Variants in SRRM4 observed in about 807,000 individuals in gnomAD.
SRRM4 encodes serine/arginine repetitive matrix 4.
In SRRM4, 33 loss-of-function variants were observed where a neutral mutation model predicts 68.9. That is an observed-to-expected ratio of 0.48 (90% CI 0.36 to 0.64). The LOEUF is 0.64. SRRM4 is among the 30% of genes least tolerant of loss of function. The pLI is 0.00. For synonymous variants in SRRM4, 318 were observed against 318.8 expected, an observed-to-expected ratio of 1.00 and a Z score of 0.03; for missense variants, 817 against 827.1, an observed-to-expected ratio of 0.99 and a Z score of 0.15.
At chr12:119,029,576 G>T (rs1233496648) in intron 1 of SRRM4, among the ~76,000 whole-genome samples, 3 of 152,170 alleles carry the variant, frequency 2.0e-5, no homozygotes, top group Admixed American at 6.5e-5. Context: ...AAACAGAAGT[G>T]ATCCTTGTCT....
chr12:119,054,080 T>C (rs1006114626), intron 1 of SRRM4, among the ~76,000 whole-genome samples: 2 of 152,310 alleles, frequency 1.3e-5, no homozygotes, highest in South Asian at 2.1e-4. Flanking sequence ...CTACTCTCTA[T>C]GTCCATGAGT....
At chr12:119,003,094 T>C (rs999554189) in intron 1 of SRRM4, among the ~76,000 whole-genome samples, 3 of 152,030 alleles carry the variant, frequency 2.0e-5, no homozygotes, top group African/African-American at 7.2e-5. Context: ...CCACACCATG[T>C]GCTCACAGTC....
intron 10 of SRRM4, among the ~76,000 whole-genome samples, 178 bp from the exon 11 acceptor site, chr12:119,153,361 A>G (rs1954450671): frequency 1.1e-5 from 1 of 94,464 alleles, no homozygotes; most frequent in Non-Finnish European, 2.1e-5. Context: ...TGTTGGTATT[A>G]TTATTAACCA....
chr12:119,001,317 C>T (rs1953382601), intron 1 of SRRM4: 1 of 152,196 alleles, frequency 6.6e-6, no homozygotes, highest in African/African-American at 2.4e-5. Context: ...CTTTAAATTT[C>T]ATTGGTAAAA....
intron 7 of SRRM4, among the ~76,000 whole-genome samples, chr12:119,126,352 G>A (rs1954260116): frequency 6.6e-6 from 1 of 152,040 alleles, no homozygotes; most frequent in Admixed American, 6.5e-5. Context: ...TCCACTTGCA[G>A]GATCCTCTCT....
At chr12:119,010,020 GAA>G (rs756552231) in intron 1 of SRRM4, among the ~76,000 whole-genome samples, 1 of 152,102 alleles carries the variant, frequency 6.6e-6, no homozygotes, top group Non-Finnish European at 1.5e-5. Context: ...CTTTGTATGG[GAA>G]GCTCAGTGCT....
chr12:119,056,454 C>T (rs1953777335), intron 1 of SRRM4, among the ~76,000 whole-genome samples: 1 of 152,104 alleles, frequency 6.6e-6, no homozygotes. Context: ...TGAAGCTTTA[C>T]CATTGATTAA....
chr12:119,109,318 A>T (rs533149446), intron 2 of SRRM4, among the ~76,000 whole-genome samples: 187 of 152,186 alleles, frequency 1.2e-3, no homozygotes, highest in African/African-American at 4.3e-3. Context: ...GCTCTTCTTG[A>T]GGAGTATCTT....
chr12:119,049,325 C>G (rs1953726871), intron 1 of SRRM4, among the ~76,000 whole-genome samples: 1 of 152,126 alleles, frequency 6.6e-6, no homozygotes, highest in Non-Finnish European at 1.5e-5. Flanking sequence ...CATACAAAAG[C>G]TAGTGGTGGG....
At chr12:119,010,267 C>T (rs1037982348) in intron 1 of SRRM4, among the ~76,000 whole-genome samples, 1 of 152,138 alleles carries the variant, frequency 6.6e-6, no homozygotes, top group African/African-American at 2.4e-5. Flanking sequence ...TGGCCAGGCT[C>T]GTTGTGAACT....
At chr12:119,034,285 C>G (rs370430567) in intron 1 of SRRM4, among the ~76,000 whole-genome samples, 19 of 152,270 alleles carry the variant, frequency 1.2e-4, no homozygotes, top group East Asian at 1.2e-3. Flanking sequence ...AGGAAGGGGA[C>G]ATGGCTTTGG....
intron 1 of SRRM4, among the ~76,000 whole-genome samples, chr12:119,090,418 G>T (rs933397919): frequency 2.0e-5 from 3 of 152,160 alleles, no homozygotes; most frequent in Non-Finnish European, 4.4e-5. Context: ...CTGGACTCAA[G>T]CCTCAGCCTG....
chr12:119,121,955 C>A, intron 5 of SRRM4, 115 bp from the exon 6 acceptor site: 1 of 711,340 alleles, frequency 1.4e-6, no homozygotes, highest in South Asian at 1.6e-5. Context: ...AGGCAATGAT[C>A]AGTGTCCATT....
At position 118,981,542 on chromosome 12, in the gene SRRM4, C is replaced by T. The variant is rs941873300; in HGVS notation, c.-341C>T. The stretch of plus-strand genomic sequence containing the variant: ...ACCCGGGCGCGCCGGAGCTCACACG[C>T]GCACGCACACACATCCGACCCCGTC... On this transcript the variant is annotated 5_prime_UTR_variant, in exon 1 of 13. Coordinates refer to ENST00000267260, the MANE Select transcript of SRRM4 (RefSeq NM_194286.4). The T allele has an allele frequency of 1.8e-5, 4 of 225,294 alleles. No individual in the cohort carries two copies. The highest frequency in any genetic ancestry group is 9.1e-5 in the African/African-American group (4 of 44,040). 14.0% of individuals were successfully genotyped at this position (225,294 alleles called of 1,614,324 possible).
chr12:119,134,705 C>G (rs1189439031), intron 8 of SRRM4, among the ~76,000 whole-genome samples: 4 of 152,200 alleles, frequency 2.6e-5, no homozygotes, highest in African/African-American at 9.6e-5. Flanking sequence ...TCAAAGCCAG[C>G]TTCCTCTGTG....
intron 9 of SRRM4, among the ~76,000 whole-genome samples, chr12:119,147,897 ATCACT>A (rs1474712211): frequency 1.3e-5 from 2 of 152,210 alleles, no homozygotes; most frequent in Admixed American, 1.3e-4. Context: ...AAATTTACTG[ATCACT>A]TAGTCTGTAC....
intron 5 of SRRM4, among the ~76,000 whole-genome samples, chr12:119,121,284 T>C (rs1375765117): frequency 6.6e-6 from 1 of 152,182 alleles, no homozygotes; most frequent in Non-Finnish European, 1.5e-5. Flanking sequence ...TCCCAGGTCC[T>C]AGGCCAGTAA....
At chr12:119,069,929 T>C (rs1310675949) in intron 1 of SRRM4, among the ~76,000 whole-genome samples, 1 of 152,122 alleles carries the variant, frequency 6.6e-6, no homozygotes, top group Non-Finnish European at 1.5e-5. Context: ...ACCAGGGTCA[T>C]ATAGATACCA....
intron 1 of SRRM4, among the ~76,000 whole-genome samples, chr12:119,025,538 G>A (rs1041900523): frequency 4.6e-5 from 7 of 152,036 alleles, no homozygotes; most frequent in Non-Finnish European, 7.4e-5. Context: ...TCTGCCTCCC[G>A]GGTTCAAGTG....
Sources: gnomAD v4.1 joint callset for allele counts (sites outside exome capture counted in the v4.1 genomes callset) on GRCh38, gnomAD v4.1.1 for gene constraint, MANE v1.5 for transcripts, NCBI Gene and HGNC (gene_info 2026-07-23, HGNC 2026-07-21) for gene names.